The following R3HDM1 variants were observed in gnomAD, a reference collection of about 807,000 sequenced individuals.
R3HDM1 encodes the protein R3H domain containing 1.
In R3HDM1, 46 loss-of-function variants were observed where a neutral mutation model predicts 141.1. The ratio of observed to expected loss-of-function variants is 0.33; its 90% CI spans 0.26 to 0.42. The LOEUF is 0.42. Among genes scored for constraint, R3HDM1 ranks in the 10% least tolerant of loss-of-function variants. The pLI is 1.00. For synonymous variants in R3HDM1, 435 were observed against 472.9 expected (o/e 0.92, Z 1.04); for missense variants, 1,184 against 1,368.3 (o/e 0.87, Z 2.12).
chr2:135,628,840 G>C (rs576459825), intron 7 of R3HDM1, among the ~76,000 whole-genome samples: 1 of 152,134 alleles, frequency 6.6e-6, no homozygotes, highest in Admixed American at 6.5e-5. Context: ...TGGTCAGGCT[G>C]CTCTTGAACT....
At chr2:135,634,548 A>G (rs533186460) in intron 9 of R3HDM1, among the ~76,000 whole-genome samples, 1 of 152,088 alleles carries the variant, frequency 6.6e-6, no homozygotes, top group Non-Finnish European at 1.5e-5. Context: ...GAAGGCTGAG[A>G]CAGGAGAATC....
At chr2:135,694,730 TAG>T (rs1224721933) in intron 21 of R3HDM1, among the ~76,000 whole-genome samples, 1 of 152,122 alleles carries the variant, frequency 6.6e-6, no homozygotes, top group Non-Finnish European at 1.5e-5. Context: ...CCAAGGTAGC[TAG>T]AGTTTACAGG....
chr2:135,591,807 T>G (rs183464745), intron 1 of R3HDM1, among the ~76,000 whole-genome samples: 1 of 152,310 alleles, frequency 6.6e-6, no homozygotes, highest in East Asian at 1.9e-4. Flanking sequence ...AGAGCTTTAT[T>G]GTACCAAAAG....
At chr2:135,635,583 G>A (rs1035907995) in intron 9 of R3HDM1, among the ~76,000 whole-genome samples, 1 of 152,220 alleles carries the variant, frequency 6.6e-6, no homozygotes, top group African/African-American at 2.4e-5. Flanking sequence ...CCGGGAAAGA[G>A]AAAGGTTAAG....
At position 135,710,086 on chromosome 2, in the gene R3HDM1, G is replaced by A; in HGVS notation, c.2591G>A (p.Gly864Glu). The A allele has an allele frequency of 6.2e-7, 1 of 1,613,846 alleles. No individual in the cohort carries two copies. The highest frequency in any genetic ancestry group is 8.5e-7 in the Non-Finnish European group (1 of 1,179,888). Residue 864 changes from glycine (G) to glutamate (E), a missense_variant, in exon 23 of 27, where the codon GGG (glycine) becomes GAG (glutamate). Gly to Glu is a moderately conservative substitution (Grantham distance 98, BLOSUM62 -2). Transcript: ENST00000683871. ...GGACCACCACCGCCACCTGGTGGGG[G>A]GATGGTGATGATGCAGCTCAGTGTA... ...TAGPPPPPGG[G>E]MVMMQLSVPN...
chr2:135,659,073 G>GTGTGTGTGTA (rs2066315151), intron 18 of R3HDM1, among the ~76,000 whole-genome samples: 1 of 151,490 alleles, frequency 6.6e-6, no homozygotes, highest in Non-Finnish European at 1.5e-5. Flanking sequence ...GTGTGTGTGT[G>GTGTGTGTGTA]TGTGTGTGTG....
chr2:135,616,625 A>T, intron 4 of R3HDM1, 43 bp from the exon 5 acceptor site: 1 of 1,475,334 alleles, frequency 6.8e-7, no homozygotes, highest in Non-Finnish European at 9.3e-7. Flanking sequence ...GATATGCCCT[A>T]GATTTCTGAA....
chr2:135,723,797 AAAAAAAAAG>A, intron 26 of R3HDM1, 131 bp from the exon 27 acceptor site: 1 of 590,608 alleles, frequency 1.7e-6, no homozygotes, highest in South Asian at 2.6e-5. Context: ...AAAAAAAAAA[AAAAAAAAAG>A]ATGGCCCTAA....
chr2:135,565,328 T>A (rs1016093070), intron 1 of R3HDM1, among the ~76,000 whole-genome samples: 7 of 117,906 alleles, frequency 5.9e-5, no homozygotes, highest in African/African-American at 3.6e-4. Flanking sequence ...AAAAAATTAT[T>A]ATTATTATTA....
At chr2:135,716,811 G>T (rs1404449177) in intron 24 of R3HDM1, among the ~76,000 whole-genome samples, 1 of 152,096 alleles carries the variant, frequency 6.6e-6, no homozygotes, top group Non-Finnish European at 1.5e-5. Context: ...AACAAGCTGG[G>T]CGTGGTGGCA....
chr2:135,568,668 A>G (rs151021386), intron 1 of R3HDM1: 50 of 152,302 alleles, frequency 3.3e-4, no homozygotes, highest in African/African-American at 1.1e-3. Flanking sequence ...AGTTTTTTTA[A>G]CCTTTGAAAT....
At chr2:135,670,764 T>A (rs1029045426) in intron 19 of R3HDM1, among the ~76,000 whole-genome samples, 3 of 152,244 alleles carry the variant, frequency 2.0e-5, no homozygotes, top group East Asian at 3.9e-4. Context: ...TCTACATTTT[T>A]AAAAATATTC....
In R3HDM1 at chr2:135,531,614, CCTCCTCCTCAGTAACG is replaced by C. The variant is rs1334870763; in HGVS notation, c.-267_-252del. The C allele has an allele frequency of 8.1e-6, 8 of 987,100 alleles. No homozygotes were observed. In the East Asian group the frequency reaches 7.9e-4, roughly 98 times the overall value. The allele number at this position is 987,100 out of a possible 1,614,324, so 61.1% of individuals were successfully genotyped here. ...CCGCCGCGCCGCGCTCCAACCGCCT[CCTCCTCCTCAGTAACG>C]CGGGTAAGAGATGCCCTTCCCTCCC... On this transcript the variant is annotated 5_prime_UTR_variant, in exon 1 of 27. It removes the in-frame stop codon of an upstream open reading frame in the 5' UTR. Transcript: ENST00000683871.
Position 135,651,862 on chromosome 2 carries a change from A to T in R3HDM1, c.1858A>T (p.Met620Leu). 6.2e-7 allele frequency: 1 copy of T among 1,613,942 alleles called. No homozygotes were observed. Among genetic ancestry groups the T allele is most frequent in the Non-Finnish European group, 8.5e-7 (1 of 1,179,958 alleles). The change falls in exon 18 of 27, where the codon ATG (methionine) becomes TTG (leucine). Residue 620 changes from methionine to leucine, a missense_variant. Transcript: ENST00000683871. ...GTCTCCACAGCAGTCTGGTTATATC[A>T]TGACAGCAGCCCCTCCACCACATCC... ...LQSPQQSGYI[M>L]TAAPPPHPPP...
intron 1 of R3HDM1, among the ~76,000 whole-genome samples, chr2:135,580,868 AT>A (rs1706649396): frequency 6.6e-6 from 1 of 152,004 alleles, no homozygotes. Context: ...GATCTTGTTC[AT>A]ATTGTTCTTT....
intron 18 of R3HDM1, among the ~76,000 whole-genome samples, chr2:135,661,030 G>A (rs1284954019): frequency 6.6e-6 from 1 of 151,892 alleles, no homozygotes; most frequent in East Asian, 1.9e-4. Flanking sequence ...GTAAGAGAGA[G>A]AGCTGAAGCA....
Position 135,710,130 on chromosome 2 carries a change from T to C in R3HDM1, c.2635T>C (p.Cys879Arg). Residue 879 changes from cysteine (C) to arginine (R), a missense_variant, in exon 23 of 27, where the codon TGT becomes CGT. Around this residue, in one of 5 missense-constraint regions of R3HDM1, gnomAD observed 563 missense variants for 562.0 expected, o/e 1.00. Coordinates refer to ENST00000683871, the MANE Select transcript of R3HDM1 (RefSeq NM_001378107.1). Reference sequence around the variant, plus strand: ...CAGTGTACCAAACAATCCACAATCTTGTGCCCACTCACCCCCGCAGTGGAA... The same window carrying C: ...CAGTGTACCAAACAATCCACAATCTCGTGCCCACTCACCCCCGCAGTGGAA... The part of the protein sequence containing the change: ...QLSVPNNPQS[C>R]AHSPPQWKQN... 1.2e-6 allele frequency: 2 copies of C among 1,614,112 alleles called. No individual in the cohort carries two copies. The highest frequency in any genetic ancestry group is 1.7e-6 in the Non-Finnish European group (2 of 1,179,986).
At chr2:135,625,471 A>G (rs2061922072) in intron 7 of R3HDM1, among the ~76,000 whole-genome samples, 1 of 152,194 alleles carries the variant, frequency 6.6e-6, no homozygotes, top group African/African-American at 2.4e-5. Flanking sequence ...ATTAATTAAA[A>G]TAAAATAACA....
At chr2:135,711,080 T>G (rs546185870) in intron 23 of R3HDM1, among the ~76,000 whole-genome samples, 12 of 152,352 alleles carry the variant, frequency 7.9e-5, no homozygotes, top group African/African-American at 2.9e-4. Flanking sequence ...ATTTACCTCT[T>G]CATGTGGTAT....
Sources: gnomAD v4.1 joint callset for allele counts (sites outside exome capture counted in the v4.1 genomes callset) on GRCh38, gnomAD v4.1.1 for gene constraint, gnomAD v4.1.1 regional missense constraint, MANE v1.5 for transcripts, NCBI Gene and HGNC (gene_info 2026-07-23, HGNC 2026-07-21) for gene names.